The following TBC1D24 variants were observed in gnomAD, a reference collection of about 807,000 sequenced individuals.
TBC1D24 encodes the protein Infantile myoclonic epilepsy.
TBC1D24 carries 47 observed loss-of-function variants against 50.7 expected under a neutral mutation model. The observed-to-expected ratio is 0.93, with a 90% CI of 0.73 to 1.18. TBC1D24 has a LOEUF of 1.18. Among genes scored for constraint, TBC1D24 ranks in the 50% most tolerant of loss-of-function variants. The pLI is 0.00. For synonymous variants in TBC1D24, 324 were observed against 335.2 expected, an observed-to-expected ratio of 0.97 and a Z score of 0.36; for missense variants, 688 against 766.5, an observed-to-expected ratio of 0.90 and a Z score of 1.21.
rs1183039794 is a variant in TBC1D24 at position 2,500,339 on chromosome 16, G to A, written c.1374G>A (p.Leu458=). ...KHPELTKPPP[L]MAAEPTAPLS... Reference sequence around the variant, plus strand: ...CCGAGCTGACCAAGCCCCCACCCTTGATGGCTGCCGAGCCCACCGCCCCAC... The same window carrying A: ...CCGAGCTGACCAAGCCCCCACCCTTAATGGCTGCCGAGCCCACCGCCCCAC... Residue 458 remains leucine (L), a synonymous_variant, in exon 7 of 8, where the codon TTG becomes TTA. Coordinates refer to ENST00000646147, the MANE Select transcript of TBC1D24 (RefSeq NM_001199107.2). This position sits in a 1 kb window ranked among gnomAD's most constrained non-coding sequence, Gnocchi z 8.0. 8 of 1,611,006 alleles carry A rather than the reference G, an allele frequency of 5.0e-6. No homozygotes were observed. The South Asian group carries it at 8.8e-5, about 18-fold the overall frequency.
chr16:2,476,231 G>C (rs1169127260), intron 1 of TBC1D24, among the ~76,000 whole-genome samples: 1 of 152,214 alleles, frequency 6.6e-6, no homozygotes, highest in Non-Finnish European at 1.5e-5. Context: ...CCAGGGCTCC[G>C]TCTTCACAGT....
intron 1 of TBC1D24, among the ~76,000 whole-genome samples, chr16:2,495,797 G>C (rs571750979): frequency 6.0e-4 from 91 of 152,064 alleles, no homozygotes; most frequent in African/African-American, 1.9e-3. Flanking sequence ...AAATTAACTG[G>C]GCATGGTGGT....
chr16:2,498,308 G>A lies in TBC1D24; in HGVS notation c.1054G>A (p.Asp352Asn). The change falls in exon 4 of 8, where the codon GAC (aspartate) becomes AAC (asparagine). Residue 352 changes from aspartate (D) to asparagine (N), a missense_variant. Transcript: ENST00000646147. ...SEIVSVREMR[D>N]IWSWVPERFA... Reference sequence around the variant, plus strand: ...GATCGTCAGCGTGAGGGAGATGAGAGACATCTGGTCCTGGGTCCCCGAGCG... The same window carrying A: ...GATCGTCAGCGTGAGGGAGATGAGAAACATCTGGTCCTGGGTCCCCGAGCG... 1 of 1,611,604 alleles carries A rather than the reference G, an allele frequency of 6.2e-7. No homozygotes were observed. The highest frequency in any genetic ancestry group is 8.5e-7 in the Non-Finnish European group (1 of 1,178,938).
intron 1 of TBC1D24, among the ~76,000 whole-genome samples, chr16:2,488,493 C>CTTTTTTTTTTT (rs34983305): frequency 9.9e-6 from 1 of 100,722 alleles, no homozygotes; most frequent in African/African-American, 4.2e-5. Flanking sequence ...TCGCACATAG[C>CTTTTTTTTTTT]TTTTTTTTTT....
In TBC1D24 at chr16:2,499,010, G is replaced by A. The variant is rs1264194376; in HGVS notation, c.1143-347G>A. Among the ~76,000 whole-genome samples, 1 of 152,244 alleles carries A rather than the reference G, an allele frequency of 6.6e-6. No individual in the cohort carries two copies. Among genetic ancestry groups the A allele is most frequent in the African/African-American group, 2.4e-5 (1 of 41,474 alleles). On this transcript the variant is annotated intron_variant, in intron 4 of 7. Transcript: ENST00000646147. This position sits in a 1 kb window ranked among gnomAD's most constrained non-coding sequence, Gnocchi z 4.0. ...TCCAGGCGCCACGTTGGCAGACCAG[G>A]GCCTCTTTGGCTCCCACATGCCTGG...
At position 2,475,679 on chromosome 16, in the gene TBC1D24, C is replaced by G. The variant is rs2065561809; in HGVS notation, c.-116+509C>G. 6.6e-6 allele frequency among the ~76,000 whole-genome samples: 1 copy of G among 152,148 alleles called. No individual in the cohort carries two copies. The highest frequency in any genetic ancestry group is 6.5e-5 in the Admixed American group (1 of 15,286). ...GCTTGGGGGTCCGCCAGCCCCCGGC[C>G]CTGTCCAGTGGGGGGCCCCTCTGGG... On this transcript the variant is annotated intron_variant, in intron 1 of 7. Transcript: ENST00000646147. The surrounding 1 kb of genome is among the most constrained non-coding windows in gnomAD (Gnocchi z 4.2).
In TBC1D24 at chr16:2,498,230, C is replaced by G. The variant is rs1343443677; in HGVS notation, c.984-8C>G. ...CTTCGGGCTCTGACCCCTGCTCGCT[C>G]CCCTCAGGCAGTTTGTACACTTGGC... On this transcript the variant is annotated splice_region_variant and splice_polypyrimidine_tract_variant and intron_variant, in intron 3 of 7. Transcript: ENST00000646147. The G allele has an allele frequency of 1.2e-6, 2 of 1,602,258 alleles. No homozygotes were observed. The highest frequency in any genetic ancestry group is 2.2e-5 in the South Asian group (2 of 88,950).
rs2065650143 is a variant in TBC1D24 at position 2,486,305 on chromosome 16, C to T, written c.-115-9729C>T. 6.6e-6 allele frequency among the ~76,000 whole-genome samples: 1 copy of T among 152,200 alleles called. No homozygotes were observed. The highest frequency in any genetic ancestry group is 2.4e-5 in the African/African-American group (1 of 41,442). On this transcript the variant is annotated intron_variant, in intron 1 of 7. Coordinates refer to ENST00000646147, the MANE Select transcript of TBC1D24 (RefSeq NM_001199107.2). The surrounding 1 kb of genome is among the most constrained non-coding windows in gnomAD (Gnocchi z 5.8). ...GTTCCCCACCCATGGGGCCCGGCCT[C>T]ATTTCCTCTTCCTCTTCATTCCCGG...
rs1394703967 is a variant in TBC1D24, at chr16:2,503,767, T to G, written c.*2809T>G. The stretch of plus-strand genomic sequence containing the variant: ...TAGAGGCAGGGTTTCACTGTGTTGG[T>G]CAGGCTGGTCTTGAACTCCTGACCT... On this transcript the variant is annotated 3_prime_UTR_variant, in exon 8 of 8. Transcript: ENST00000646147. The G allele has an allele frequency of 2.0e-5, 3 of 152,026 alleles. No individual in the cohort carries two copies. The East Asian group carries it at 5.8e-4, about 29-fold the overall frequency. The allele number at this position is 152,026 out of a possible 1,614,324, so 9.4% of individuals were successfully genotyped here. A position where few individuals can be genotyped will look rare whatever the true frequency, so the allele number is the denominator to read the frequency against.
chr16:2,504,691 T>G lies in TBC1D24; in HGVS notation c.*3733T>G, dbSNP rs894825594. The G allele has an allele frequency of 6.6e-6, 1 of 152,220 alleles. No individual in the cohort carries two copies. Among genetic ancestry groups the G allele is most frequent in the African/African-American group, 2.4e-5 (1 of 41,432 alleles). The allele number at this position is 152,220 out of a possible 1,614,324, so 9.4% of individuals were successfully genotyped here. A position where few individuals can be genotyped will look rare whatever the true frequency, so the allele number is the denominator to read the frequency against. ...TCCTCGGCCTCCCAAAGTGCTGGGA[T>G]TACAGGCGTGAGCAACCGCGCCCAG... On this transcript the variant is annotated 3_prime_UTR_variant, in exon 8 of 8. Coordinates refer to ENST00000646147, the MANE Select transcript of TBC1D24 (RefSeq NM_001199107.2).
At position 2,482,599 on chromosome 16, in the gene TBC1D24, G is replaced by T. The variant is rs181352156; in HGVS notation, c.-116+7429G>T. On this transcript the variant is annotated intron_variant, in intron 1 of 7. Coordinates refer to ENST00000646147, the MANE Select transcript of TBC1D24 (RefSeq NM_001199107.2). This position sits in a 1 kb window ranked among gnomAD's most constrained non-coding sequence, Gnocchi z 5.2. ...TGAAGGGCGGGGGACACCAGGAGAGGGTTTCGGGTGGAGAACGGTGACCGG... is the reference window on the plus strand; with the variant it reads ...TGAAGGGCGGGGGACACCAGGAGAGTGTTTCGGGTGGAGAACGGTGACCGG... Among the ~76,000 whole-genome samples the T allele has an allele frequency of 4.9e-4, 75 of 152,302 alleles. No homozygotes were observed. In the South Asian group the frequency reaches 6.2e-3, roughly 13 times the overall value.
chr16:2,488,876 C>T (rs111629711), intron 1 of TBC1D24, among the ~76,000 whole-genome samples: 10,178 of 131,916 alleles, frequency 0.077, 508 homozygotes, highest in Middle Eastern at 0.12. Context: ...CTGGCTAACA[C>T]GGTGAAACCC....
intron 1 of TBC1D24, chr16:2,480,927 G>C (rs1417560551): frequency 1.3e-5 from 2 of 152,272 alleles, no homozygotes; most frequent in Non-Finnish European, 1.5e-5. Flanking sequence ...CTGAAGCGTA[G>C]AAGTGTCTTA....
At chr16:2,492,126 C>G (rs1442094531) in intron 1 of TBC1D24, among the ~76,000 whole-genome samples, 1 of 152,164 alleles carries the variant, frequency 6.6e-6, no homozygotes, top group African/African-American at 2.4e-5. Context: ...AGATGTGAGC[C>G]CCTTTGCTGG....
At position 2,500,437 on chromosome 16, in the gene TBC1D24, C is replaced by T. The variant is rs1446415174; in HGVS notation, c.1472C>T (p.Pro491Leu). ...CTGGCCGCTCGCCACTTCAACCTGC[C>T]CTCCAAGACCGAGTCCATGTTCATG... ...PFLAARHFNL[P>L]SKTESMFMAG... is the part of the protein sequence containing the mutation. The change falls in exon 7 of 8, where the codon CCC becomes CTC. Residue 491 changes from proline (P) to leucine (L), a missense_variant. Pro to Leu is a moderately conservative substitution (Grantham distance 98). Transcript: ENST00000646147. The surrounding 1 kb of genome is among the most constrained non-coding windows in gnomAD (Gnocchi z 8.0). The T allele has an allele frequency of 1.2e-6, 2 of 1,601,456 alleles. No individual in the cohort carries two copies. Among genetic ancestry groups the T allele is most frequent in the African/African-American group, 1.3e-5 (1 of 74,800 alleles).
At position 2,501,608 on chromosome 16, in the gene TBC1D24, G is replaced by T. The variant is rs1596974291; in HGVS notation, c.*650G>T. The T allele has an allele frequency of 6.5e-6, 1 of 152,834 alleles. No homozygotes were observed. The highest frequency in any genetic ancestry group is 6.5e-5 in the Admixed American group (1 of 15,364). The allele number at this position is 152,834 out of a possible 1,614,324, so 9.5% of individuals were successfully genotyped here. A position where few individuals can be genotyped will look rare whatever the true frequency, so the allele number is the denominator to read the frequency against. ...TGAGGCTCCCCTGGGCTGCGTTTGGGAGCTGCTGGGTGGGAGGAGGAGGGT... is the reference window on the plus strand; with the variant it reads ...TGAGGCTCCCCTGGGCTGCGTTTGGTAGCTGCTGGGTGGGAGGAGGAGGGT... On this transcript the variant is annotated 3_prime_UTR_variant, in exon 8 of 8. Coordinates refer to ENST00000646147, the MANE Select transcript of TBC1D24 (RefSeq NM_001199107.2).
At chr16:2,494,344 G>A (rs112224167) in intron 1 of TBC1D24, among the ~76,000 whole-genome samples, 2,010 of 151,754 alleles carry the variant, frequency 0.013, 46 homozygotes, top group African/African-American at 0.045. Flanking sequence ...CCCGGGAGGC[G>A]GAAGTTGCAG....
At chr16:2,484,794 T>C (rs1162273685) in intron 1 of TBC1D24, 1 of 152,178 alleles carries the variant, frequency 6.6e-6, no homozygotes, top group Non-Finnish European at 1.5e-5. Flanking sequence ...TTTATTTGTG[T>C]CTCTGAGGCA....
intron 1 of TBC1D24, among the ~76,000 whole-genome samples, chr16:2,490,026 C>T (rs2065683106): frequency 6.6e-6 from 1 of 152,206 alleles, no homozygotes; most frequent in South Asian, 2.1e-4. Flanking sequence ...CTGCTGGTGT[C>T]TGGAGCGCTT....
Sources: allele counts gnomAD v4.1 joint callset (sites outside exome capture counted in the v4.1 genomes callset), GRCh38; gene constraint gnomAD v4.1.1; non-coding constraint Gnocchi (gnomAD v3.1); transcripts MANE v1.5; gene names NCBI Gene and HGNC (gene_info 2026-07-23, HGNC 2026-07-21).